Variants in PPP3CA observed in about 807,000 individuals in gnomAD.
PPP3CA encodes CAM-PRP catalytic subunit.
A neutral mutation model predicts 66.5 loss-of-function variants in PPP3CA; 14 were observed. The ratio of observed to expected loss-of-function variants is 0.21; its 90% CI spans 0.14 to 0.33. The LOEUF is 0.33. Ranked by LOEUF, PPP3CA falls within the 10% of genes least tolerant of loss-of-function variation. The pLI, the probability that PPP3CA is intolerant of heterozygous loss-of-function variation, is 1.00. For missense variants in PPP3CA, 317 were observed against 639.5 expected (o/e 0.50, Z 5.44); for synonymous variants, 232 against 226.2 (o/e 1.03, Z -0.23).
At chr4:101,262,274 A>AC (rs1236549347) in intron 1 of PPP3CA, among the ~76,000 whole-genome samples, 96 of 151,748 alleles carry the variant, frequency 6.3e-4, no homozygotes, top group African/African-American at 2.2e-3. Flanking sequence ...GTATATACAA[A>AC]CCCCTCCAGT....
At position 101,060,973 on chromosome 4, in the gene PPP3CA, A is replaced by C. The variant is rs1728437185; in HGVS notation, c.1156+114T>G. 14 of 864,070 alleles carry C rather than the reference A, an allele frequency of 1.6e-5. No homozygotes were observed. In the Middle Eastern group the frequency reaches 2.4e-3, roughly 150 times the overall value. The allele number at this position is 864,070 out of a possible 1,614,324, so 53.5% of individuals were successfully genotyped here. ...TGAAATCATATCTTTTATTCTCAATAATGTTACGTTTTAAACATAATCCAA... is the reference window on the plus strand; with the variant it reads ...TGAAATCATATCTTTTATTCTCAATCATGTTACGTTTTAAACATAATCCAA... On this transcript the variant is annotated intron_variant, in intron 10 of 13. Transcript: ENST00000394854.
chr4:101,117,168 A>G (rs1721861583), intron 2 of PPP3CA, among the ~76,000 whole-genome samples: 1 of 151,902 alleles, frequency 6.6e-6, no homozygotes, highest in African/African-American at 2.4e-5. Flanking sequence ...ATTAAAAAAG[A>G]AAGAATAAAA....
At chr4:101,070,173 T>A (rs984525935) in intron 8 of PPP3CA, among the ~76,000 whole-genome samples, 4 of 152,126 alleles carry the variant, frequency 2.6e-5, no homozygotes, top group Admixed American at 1.3e-4. Flanking sequence ...GAGGCACAGA[T>A]CCCTTTTTTT....
intron 1 of PPP3CA, among the ~76,000 whole-genome samples, chr4:101,269,580 G>A (rs1201152806): frequency 8.1e-6 from 1 of 123,092 alleles, no homozygotes; most frequent in Non-Finnish European, 1.8e-5. Flanking sequence ...GTGTGTGTGT[G>A]TGTGTGTGTG....
chr4:101,346,483 G>A (rs1326707633), intron 1 of PPP3CA, among the ~76,000 whole-genome samples: 1 of 151,844 alleles, frequency 6.6e-6, no homozygotes, highest in Non-Finnish European at 1.5e-5. Context: ...CCTCCCCGCG[G>A]CTCAGCCATT....
intron 1 of PPP3CA, among the ~76,000 whole-genome samples, chr4:101,207,144 T>G (rs1166576373): frequency 6.6e-6 from 1 of 152,164 alleles, no homozygotes; most frequent in African/African-American, 2.4e-5. Context: ...TGATGCAAAA[T>G]TATCCCTGTA....
intron 2 of PPP3CA, among the ~76,000 whole-genome samples, chr4:101,192,434 T>C (rs1250953153): frequency 1.3e-5 from 2 of 152,118 alleles, no homozygotes; most frequent in Non-Finnish European, 2.9e-5. Context: ...CCCCATTCCC[T>C]ATAGAATGGT....
In PPP3CA at chr4:101,063,897, AT is replaced by A. The variant is rs1173757445; in HGVS notation, c.956-541del. On this transcript the variant is annotated intron_variant, in intron 8 of 13. Transcript: ENST00000394854. ...GGTGCATAGTGATGTTTTGACACAT[AT>A]AATGCACAGTAATCAGATCAGGGTA... Among the ~76,000 whole-genome samples, 4 of 152,120 alleles carry A rather than the reference AT, an allele frequency of 2.6e-5. No individual in the cohort carries two copies. The East Asian group carries it at 7.7e-4, about 29-fold the overall frequency.
At chr4:101,090,524 C>A (rs1249136008) in intron 6 of PPP3CA, among the ~76,000 whole-genome samples, 13 of 151,258 alleles carry the variant, frequency 8.6e-5, no homozygotes, top group Admixed American at 8.6e-4. Context: ...TGCCTGTAAT[C>A]CCAGCTACTC....
At chr4:101,221,258 T>C (rs1387290429) in intron 1 of PPP3CA, among the ~76,000 whole-genome samples, 3 of 151,642 alleles carry the variant, frequency 2.0e-5, no homozygotes, top group Non-Finnish European at 4.4e-5. Flanking sequence ...CACGCTATAG[T>C]GCCTCTTCCA....
intron 6 of PPP3CA, among the ~76,000 whole-genome samples, chr4:101,087,092 C>A (rs754939924): frequency 2.0e-4 from 30 of 152,172 alleles, no homozygotes; most frequent in Admixed American, 4.6e-4. Context: ...TTCAACTCCT[C>A]CTCTGCTTCT....
At chr4:101,042,803 C>CTTTTTTT (rs534973228) in intron 10 of PPP3CA, among the ~76,000 whole-genome samples, 1 of 117,690 alleles carries the variant, frequency 8.5e-6, no homozygotes. Context: ...AAGACTTTTT[C>CTTTTTTT]TTTTTTTTTT....
chr4:101,346,749 C>T lies in PPP3CA; in HGVS notation c.48G>A (p.Arg16=). The change falls in exon 1 of 14, where the codon AGG becomes AGA. Residue 16 remains arginine, a synonymous_variant. Transcript: ENST00000394854. The part of the protein sequence containing the change: ...AIDPKLSTTD[R]VVKAVPFPPS... ...CGGCGCTCCGCTTACCTTTCACCAC[C>T]CTGTCGGTCGTCGACAACTTGGGAT... 6.2e-7 allele frequency: 1 copy of T among 1,611,604 alleles called. No individual in the cohort carries two copies. The highest frequency in any genetic ancestry group is 8.5e-7 in the Non-Finnish European group (1 of 1,179,222).
chr4:101,093,935 G>A lies in PPP3CA; in HGVS notation c.643-20C>T. ...GTCTAACTAAGAAAAATAGAAGACA[G>A]AGAGCAAAATACTAATCTTTGGAAA... On this transcript the variant is annotated intron_variant, in intron 5 of 13. Transcript: ENST00000394854. 2 of 1,586,496 alleles carry A rather than the reference G, an allele frequency of 1.3e-6. No individual in the cohort carries two copies. Among genetic ancestry groups the A allele is most frequent in the Non-Finnish European group, 1.7e-6 (2 of 1,166,972 alleles).
At chr4:101,276,096 T>C (rs1236672084) in intron 1 of PPP3CA, among the ~76,000 whole-genome samples, 2 of 152,096 alleles carry the variant, frequency 1.3e-5, no homozygotes, top group African/African-American at 4.8e-5. Context: ...GATGTGACTA[T>C]GTTTCCCAGG....
At chr4:101,106,170 A>C (rs978069201) in intron 3 of PPP3CA, among the ~76,000 whole-genome samples, 1 of 151,416 alleles carries the variant, frequency 6.6e-6, no homozygotes, top group African/African-American at 2.4e-5. Flanking sequence ...TAAAAATAAA[A>C]ATTAACTGGG....
At chr4:101,096,432 A>G (rs939075414) in intron 5 of PPP3CA, among the ~76,000 whole-genome samples, 1 of 152,236 alleles carries the variant, frequency 6.6e-6, no homozygotes, top group Non-Finnish European at 1.5e-5. Context: ...GTAGAGGTTT[A>G]CAACCTTTTT....
intron 1 of PPP3CA, among the ~76,000 whole-genome samples, chr4:101,232,552 T>C (rs937406519): frequency 2.6e-5 from 4 of 151,808 alleles, no homozygotes; most frequent in Non-Finnish European, 5.9e-5. Flanking sequence ...TGACCACCTT[T>C]AGTTCCTTCA....
At chr4:101,161,573 G>A (rs984141882) in intron 2 of PPP3CA, among the ~76,000 whole-genome samples, 1 of 152,130 alleles carries the variant, frequency 6.6e-6, no homozygotes, top group African/African-American at 2.4e-5. Flanking sequence ...AAGACTGGCA[G>A]TCCTAAGAAT....
Sources: allele counts gnomAD v4.1 joint callset (sites outside exome capture counted in the v4.1 genomes callset), GRCh38; gene constraint gnomAD v4.1.1; transcripts MANE v1.5; gene names NCBI Gene and HGNC (gene_info 2026-07-23, HGNC 2026-07-21).